Variants in ANO6 observed in about 807,000 individuals in gnomAD.
ANO6 encodes anoctamin 6.
A neutral mutation model predicts 117.5 loss-of-function variants in ANO6; 106 were observed. That is an observed-to-expected ratio of 0.90 (90% CI 0.77 to 1.06). ANO6 has a LOEUF of 1.06. Among genes scored for constraint, ANO6 ranks in the 50% least tolerant of loss-of-function variants. ANO6 has a pLI of 0.00. For synonymous variants in ANO6, 367 were observed against 385.1 expected, an observed-to-expected ratio of 0.95 and a Z score of 0.55; for missense variants, 955 against 1,121.1, an observed-to-expected ratio of 0.85 and a Z score of 2.12.
chr12:45,223,166 A>G (rs80094701), intron 1 of ANO6, among the ~76,000 whole-genome samples: 2,231 of 152,348 alleles, frequency 0.015, 45 homozygotes, highest in East Asian at 0.068. Context: ...CAGCAAATTA[A>G]TGGAACCCAA....
chr12:45,402,508 A>C (rs1040103690), intron 13 of ANO6, among the ~76,000 whole-genome samples: 2 of 152,162 alleles, frequency 1.3e-5, no homozygotes, highest in Non-Finnish European at 2.9e-5. Context: ...GCAGCTGTTT[A>C]GTGGCCAAGT....
intron 19 of ANO6, among the ~76,000 whole-genome samples, chr12:45,424,345 T>TG (rs1168155217): frequency 1.1e-4 from 15 of 131,188 alleles, no homozygotes; most frequent in Non-Finnish European, 2.0e-4. Context: ...TTTTTTTTTT[T>TG]TTTTTTTTTT....
chr12:45,426,911 C>T (rs1313780018), intron 19 of ANO6, among the ~76,000 whole-genome samples: 1 of 151,666 alleles, frequency 6.6e-6, no homozygotes, highest in East Asian at 2.0e-4. Context: ...GAACTCCACC[C>T]ATGAATCCAA....
chr12:45,390,521 T>G (rs1368858049), intron 12 of ANO6, 23 bp downstream of exon 12: 2 of 1,598,246 alleles, frequency 1.3e-6, no homozygotes, highest in Non-Finnish European at 1.7e-6. Context: ...CAAAAATGTT[T>G]TGAATGATTA....
At chr12:45,235,395 C>A (rs1259076325) in intron 1 of ANO6, among the ~76,000 whole-genome samples, 2 of 152,156 alleles carry the variant, frequency 1.3e-5, no homozygotes, top group South Asian at 2.1e-4. Context: ...GTACAGTTTC[C>A]TGCAATAAGA....
At chr12:45,390,177 C>T (rs1314044548) in intron 11 of ANO6, among the ~76,000 whole-genome samples, 2 of 152,160 alleles carry the variant, frequency 1.3e-5, no homozygotes, top group African/African-American at 4.8e-5. Flanking sequence ...GAGCTCGGGT[C>T]GTGGCCGATA....
chr12:45,334,477 G>T (rs1310560168), intron 3 of ANO6, among the ~76,000 whole-genome samples: 6 of 152,046 alleles, frequency 3.9e-5, no homozygotes, highest in Admixed American at 3.9e-4. Context: ...GTAGCCAGAG[G>T]CAGAGAGAAG....
chr12:45,439,874 T>A, exon 20 of ANO6: 1 of 1,533,332 alleles, frequency 6.5e-7, no homozygotes, highest in Non-Finnish European at 8.8e-7. Context: ...TCTGTTACTT[T>A]CTTTTTCCTT....
At chr12:45,333,681 T>A (rs1940741241) in intron 3 of ANO6, among the ~76,000 whole-genome samples, 3 of 152,060 alleles carry the variant, frequency 2.0e-5, no homozygotes. Flanking sequence ...CTTTGAAGTG[T>A]TTTCAGACTG....
chr12:45,421,018 TCAAAAA>T (rs1166767313), intron 17 of ANO6, 47 bp from the exon 18 acceptor site: 40 of 1,597,050 alleles, frequency 2.5e-5, no homozygotes, highest in Non-Finnish European at 3.3e-5. Context: ...AGACTCCGTC[TCAAAAA>T]CAAAAAACTA....
At chr12:45,367,638 T>C (rs1170512148) in intron 8 of ANO6, 50 bp from the exon 9 acceptor site, 2 of 1,467,726 alleles carry the variant, frequency 1.4e-6, no homozygotes, top group African/African-American at 1.4e-5. Context: ...TTAGATTTTA[T>C]CATGCTGCTT....
intron 10 of ANO6, among the ~76,000 whole-genome samples, chr12:45,379,610 A>G (rs941235548): frequency 6.6e-6 from 1 of 152,254 alleles, no homozygotes; most frequent in African/African-American, 2.4e-5. Context: ...GCGTTGAATC[A>G]TAATGTATAA....
intron 12 of ANO6, among the ~76,000 whole-genome samples, chr12:45,397,044 A>C (rs1428329270): frequency 6.6e-6 from 1 of 152,216 alleles, no homozygotes; most frequent in South Asian, 2.1e-4. Flanking sequence ...AACTACCATC[A>C]GAGTGAATAG....
At chr12:45,338,517 A>T (rs1323419409) in intron 3 of ANO6, among the ~76,000 whole-genome samples, 2 of 152,060 alleles carry the variant, frequency 1.3e-5, no homozygotes, top group African/African-American at 4.8e-5. Flanking sequence ...AACTTTTGGC[A>T]GGTGTTCTGT....
intron 19 of ANO6, among the ~76,000 whole-genome samples, chr12:45,423,593 C>T (rs1943420193): frequency 6.6e-6 from 1 of 152,076 alleles, no homozygotes; most frequent in Non-Finnish European, 1.5e-5. Context: ...ACAGAAAATG[C>T]AGTCTATGGT....
chr12:45,291,883 T>C (rs1939113017), intron 1 of ANO6, among the ~76,000 whole-genome samples: 1 of 152,116 alleles, frequency 6.6e-6, no homozygotes, highest in Non-Finnish European at 1.5e-5. Context: ...TGTAAAATGG[T>C]GCAGGCATTG....
intron 1 of ANO6, among the ~76,000 whole-genome samples, chr12:45,222,487 T>C (rs1257747857): frequency 6.6e-6 from 1 of 152,078 alleles, no homozygotes; most frequent in African/African-American, 2.4e-5. Flanking sequence ...AATTTCAGCC[T>C]CACCTCCTCT....
chr12:45,298,914 T>C (rs191750043), intron 1 of ANO6, among the ~76,000 whole-genome samples: 88 of 152,210 alleles, frequency 5.8e-4, no homozygotes, highest in African/African-American at 1.8e-3. Context: ...AACAGATAAA[T>C]TGGGTATCTA....
intron 1 of ANO6, among the ~76,000 whole-genome samples, chr12:45,240,882 A>G (rs1451757356): frequency 6.6e-6 from 1 of 151,678 alleles, no homozygotes; most frequent in Non-Finnish European, 1.5e-5. Flanking sequence ...ATTGGCCCCC[A>G]CTCTTTTCTG....
Sources: allele counts gnomAD v4.1 joint callset (sites outside exome capture counted in the v4.1 genomes callset), GRCh38; gene constraint gnomAD v4.1.1; transcripts MANE v1.5; gene names NCBI Gene and HGNC (gene_info 2026-07-23, HGNC 2026-07-21).